Variants in AKAIN1 observed in about 807,000 individuals in gnomAD.
The protein encoded by AKAIN1 is A-kinase anchor inhibitor 1.
In AKAIN1, 3 loss-of-function variants were observed where a neutral mutation model predicts 3.7. The observed-to-expected ratio is 0.82, with a 90% CI of 0.37 to 2.12. The LOEUF (loss-of-function observed/expected upper bound fraction) is 2.12. AKAIN1 is among the 30% of genes most tolerant of loss of function. AKAIN1 has a pLI of 0.06. For missense variants in AKAIN1, 82 were observed against 82.7 expected (o/e 0.99, Z 0.03); for synonymous variants, 31 against 30.8 (o/e 1.01, Z -0.02).
chr18:5,151,926 GGT>G (rs1353469473), intron 1 of AKAIN1, among the ~76,000 whole-genome samples: 1 of 152,202 alleles, frequency 6.6e-6, no homozygotes, highest in Admixed American at 6.5e-5. Flanking sequence ...CACTAGGCTA[GGT>G]ATTGTAGACT....
Position 5,163,117 on chromosome 18 carries a change from G to T in AKAIN1, c.17-17362C>A, listed in dbSNP as rs181394096. On this transcript the variant is annotated intron_variant, in intron 1 of 1. Coordinates refer to ENST00000434239, the MANE Select transcript of AKAIN1 (RefSeq NM_001145194.2). ...TAACTTCAGCCTATACCCACAGACC[G>T]TGAGGAAATTTGGTAGCTAAGTGAC... Among the ~76,000 whole-genome samples, 386 of 152,088 alleles carry T rather than the reference G, an allele frequency of 2.5e-3. 3 individuals are homozygous for T. The highest frequency in any genetic ancestry group is 8.9e-3 in the African/African-American group (368 of 41,528).
At chr18:5,159,815 T>C (rs938436377) in intron 1 of AKAIN1, among the ~76,000 whole-genome samples, 3 of 152,242 alleles carry the variant, frequency 2.0e-5, no homozygotes, top group Admixed American at 6.5e-5. Context: ...ACCTGAGTAC[T>C]GCTCTCCAAT....
intron 1 of AKAIN1, chr18:5,170,972 G>T (rs1233740050): frequency 6.6e-6 from 1 of 152,136 alleles, no homozygotes; most frequent in Non-Finnish European, 1.5e-5. Context: ...CAAGCCTCTA[G>T]ATGACTCCAG....
At chr18:5,186,973 A>T (rs775936825) in intron 1 of AKAIN1, among the ~76,000 whole-genome samples, 54 of 152,180 alleles carry the variant, frequency 3.5e-4, no homozygotes, top group Non-Finnish European at 6.2e-4. Flanking sequence ...AAGGGAAATT[A>T]GAAAATATTT....
chr18:5,196,196 C>T (rs1373692660), intron 1 of AKAIN1, among the ~76,000 whole-genome samples: 2 of 152,192 alleles, frequency 1.3e-5, no homozygotes, highest in African/African-American at 4.8e-5. Context: ...CGAAATCAGA[C>T]CCTAAAATGC....
intron 1 of AKAIN1, among the ~76,000 whole-genome samples, chr18:5,190,408 C>T (rs1005299949): frequency 1.3e-5 from 2 of 152,102 alleles, no homozygotes; most frequent in African/African-American, 4.8e-5. Flanking sequence ...TAAAAAGCTA[C>T]TGAAATTCAC....
intron 1 of AKAIN1, among the ~76,000 whole-genome samples, chr18:5,195,871 C>T (rs1009038162): frequency 6.6e-6 from 1 of 152,096 alleles, no homozygotes; most frequent in African/African-American, 2.4e-5. Context: ...TAAGGCGTTC[C>T]TCTAAGAACC....
At chr18:5,175,440 A>G (rs993954758) in intron 1 of AKAIN1, among the ~76,000 whole-genome samples, 1 of 152,186 alleles carries the variant, frequency 6.6e-6, no homozygotes, top group African/African-American at 2.4e-5. Flanking sequence ...GGACCCTATC[A>G]TGTTCTTTCT....
intron 1 of AKAIN1, 135 bp downstream of exon 1, chr18:5,196,903 G>A (rs959201033): frequency 2.4e-6 from 2 of 816,720 alleles, no homozygotes; most frequent in Non-Finnish European, 4.0e-6. Context: ...GCACTCCTCC[G>A]CCCCATGAGC....
intron 1 of AKAIN1, among the ~76,000 whole-genome samples, chr18:5,190,464 T>C (rs1043376548): frequency 6.6e-6 from 1 of 152,200 alleles, no homozygotes; most frequent in Non-Finnish European, 1.5e-5. Context: ...ATTGAATTTA[T>C]AATTAATGAC....
chr18:5,144,323 A>G lies in AKAIN1; in HGVS notation c.*1239T>C, dbSNP rs2071036994. Among the ~76,000 whole-genome samples the G allele has an allele frequency of 1.3e-5, 2 of 152,228 alleles. No homozygotes were observed. The highest frequency in any genetic ancestry group is 1.3e-4 in the Admixed American group (2 of 15,282). On this transcript the variant is annotated 3_prime_UTR_variant, in exon 2 of 2. Transcript: ENST00000434239. Reference sequence around the variant, plus strand: ...ATGTAGATATTGATACTCTGAAACTAGAAGGTTTTTAACCAAGGTCAAATT... The same window carrying G: ...ATGTAGATATTGATACTCTGAAACTGGAAGGTTTTTAACCAAGGTCAAATT...
At chr18:5,172,095 G>A (rs1200062821) in intron 1 of AKAIN1, among the ~76,000 whole-genome samples, 1 of 152,108 alleles carries the variant, frequency 6.6e-6, no homozygotes, top group Non-Finnish European at 1.5e-5. Context: ...AGATGCAGAA[G>A]GACAAACTTC....
At chr18:5,161,458 A>G (rs1486291434) in intron 1 of AKAIN1, among the ~76,000 whole-genome samples, 1 of 152,106 alleles carries the variant, frequency 6.6e-6, no homozygotes, top group East Asian at 1.9e-4. Flanking sequence ...CAATGATTGC[A>G]TCTCCCAGTG....
intron 1 of AKAIN1, among the ~76,000 whole-genome samples, chr18:5,175,845 G>T (rs778858377): frequency 1.3e-5 from 2 of 151,924 alleles, no homozygotes; most frequent in Non-Finnish European, 2.9e-5. Flanking sequence ...ACATGAAGCG[G>T]CAATTTCAAA....
At chr18:5,182,951 T>A (rs2071266744) in intron 1 of AKAIN1, among the ~76,000 whole-genome samples, 1 of 152,040 alleles carries the variant, frequency 6.6e-6, no homozygotes, top group African/African-American at 2.4e-5. Flanking sequence ...GAAGATTCTT[T>A]CTAAAGACAC....
At chr18:5,168,880 GCAAA>G (rs1286809369) in intron 1 of AKAIN1, among the ~76,000 whole-genome samples, 3 of 122,286 alleles carry the variant, frequency 2.5e-5, no homozygotes, top group East Asian at 2.3e-4. Context: ...AAAAAAAAAA[GCAAA>G]CAAACAAAAA....
At chr18:5,150,976 C>T (rs2143311428) in intron 1 of AKAIN1, among the ~76,000 whole-genome samples, 1 of 152,224 alleles carries the variant, frequency 6.6e-6, no homozygotes, top group Middle Eastern at 3.4e-3. Context: ...TTGAGACAGA[C>T]TCTGGCTAGT....
At position 5,144,110 on chromosome 18, in the gene AKAIN1, G is replaced by A. The variant is rs146085870; in HGVS notation, c.*1452C>T. Among the ~76,000 whole-genome samples the A allele has an allele frequency of 5.3e-4, 80 of 152,114 alleles. No homozygotes were observed. Among genetic ancestry groups the A allele is most frequent in the African/African-American group, 1.9e-3 (77 of 41,502 alleles). ...CCCTTCTGCTTCCTTCTCCTTCCAT[G>A]TTTCCTGTGAATTTATTCCACCTGT... On this transcript the variant is annotated 3_prime_UTR_variant, in exon 2 of 2. Transcript: ENST00000434239.
At chr18:5,164,043 T>C (rs2071154165) in intron 1 of AKAIN1, among the ~76,000 whole-genome samples, 1 of 152,046 alleles carries the variant, frequency 6.6e-6, no homozygotes, top group Non-Finnish European at 1.5e-5. Context: ...TGACCATTAC[T>C]CTTTTGAATA....
Sources: allele counts gnomAD v4.1 joint callset (sites outside exome capture counted in the v4.1 genomes callset), GRCh38; gene constraint gnomAD v4.1.1; transcripts MANE v1.5; gene names NCBI Gene and HGNC (gene_info 2026-07-23, HGNC 2026-07-21).